Variants in EYS observed in about 807,000 individuals in gnomAD.
The protein encoded by EYS is protein eyes shut homolog.
In EYS, 250 loss-of-function variants were observed where a neutral mutation model predicts 282.1. The ratio of observed to expected loss-of-function variants is 0.89; its 90% CI spans 0.80 to 0.98. The LOEUF is 0.98. Ranked by LOEUF, EYS falls within the 50% of genes least tolerant of loss-of-function variation. The pLI is 0.00. For missense variants in EYS, 4,016 were observed against 3,709.0 expected, an observed-to-expected ratio of 1.08 and a Z score of -2.15; for synonymous variants, 1,355 against 1,282.9, an observed-to-expected ratio of 1.06 and a Z score of -1.20.
At chr6:64,850,386 T>C (rs1368000073) in intron 19 of EYS, among the ~76,000 whole-genome samples, 1 of 152,106 alleles carries the variant, frequency 6.6e-6, no homozygotes, top group African/African-American at 2.4e-5. Flanking sequence ...TGTAAGGCAC[T>C]CAGTGCTGGG....
chr6:64,396,168 ATTTATTT>A (rs540738546), intron 28 of EYS, among the ~76,000 whole-genome samples: 38 of 152,188 alleles, frequency 2.5e-4, no homozygotes, highest in African/African-American at 8.7e-4. Context: ...TGAATAGTTT[ATTTATTT>A]TCAAGATATA....
intron 8 of EYS, 46 bp from the exon 9 acceptor site, chr6:65,353,663 A>AT (rs1270413013): frequency 1.3e-6 from 2 of 1,514,012 alleles, no homozygotes; most frequent in Non-Finnish European, 1.8e-6. Context: ...TTTTTGATAT[A>AT]TTTTTCAATA....
chr6:65,365,144 A>C (rs1764867786), intron 8 of EYS, among the ~76,000 whole-genome samples: 1 of 151,722 alleles, frequency 6.6e-6, no homozygotes, highest in African/African-American at 2.4e-5. Flanking sequence ...AGAATGAATA[A>C]ATTCCTTTCT....
At chr6:65,515,454 G>C (rs900142806) in intron 2 of EYS, among the ~76,000 whole-genome samples, 26 of 151,808 alleles carry the variant, frequency 1.7e-4, no homozygotes, top group Admixed American at 9.2e-4. Context: ...TATACCCAAA[G>C]GACTATAAAT....
intron 26 of EYS, among the ~76,000 whole-genome samples, chr6:64,486,448 T>C (rs1263315648): frequency 1.3e-5 from 2 of 151,276 alleles, no homozygotes; most frequent in Non-Finnish European, 1.5e-5. Context: ...TTTAAAGAGG[T>C]AGCATTTTGT....
chr6:64,957,583 T>C (rs1316241639), intron 14 of EYS, among the ~76,000 whole-genome samples: 1 of 152,196 alleles, frequency 6.6e-6, no homozygotes, highest in East Asian at 1.9e-4. Flanking sequence ...TAAAATAGTG[T>C]AATTTGATTG....
chr6:63,954,543 C>T (rs183384210), intron 35 of EYS, among the ~76,000 whole-genome samples: 75 of 152,256 alleles, frequency 4.9e-4, no homozygotes, highest in African/African-American at 1.6e-3. Flanking sequence ...TTCTCAAGGC[C>T]GCTTTACTTC....
chr6:65,281,349 T>C (rs1219166579), intron 12 of EYS, among the ~76,000 whole-genome samples: 1 of 152,148 alleles, frequency 6.6e-6, no homozygotes, highest in Non-Finnish European at 1.5e-5. Context: ...ATTTTCACTA[T>C]AATTAACACT....
chr6:65,346,833 T>G (rs1770414360), intron 9 of EYS, among the ~76,000 whole-genome samples: 1 of 151,782 alleles, frequency 6.6e-6, no homozygotes, highest in Non-Finnish European at 1.5e-5. Context: ...TCCACAGAAA[T>G]AAACACAAAT....
chr6:65,484,432 T>A (rs1000456052), intron 5 of EYS, among the ~76,000 whole-genome samples: 1 of 152,200 alleles, frequency 6.6e-6, no homozygotes, highest in Non-Finnish European at 1.5e-5. Context: ...AGCAGAAAAT[T>A]ATTTTTAACA....
intron 5 of EYS, among the ~76,000 whole-genome samples, chr6:65,431,022 T>C (rs1767866166): frequency 6.6e-6 from 1 of 152,118 alleles, no homozygotes; most frequent in South Asian, 2.1e-4. Context: ...AGAGGGAACT[T>C]TGTCTTACAC....
At chr6:64,413,761 C>A (rs975757991) in intron 28 of EYS, among the ~76,000 whole-genome samples, 19 of 152,090 alleles carry the variant, frequency 1.2e-4, no homozygotes, top group Non-Finnish European at 2.4e-4. Context: ...AAAAGAAAAA[C>A]ACTAAGTACA....
intron 31 of EYS, among the ~76,000 whole-genome samples, chr6:64,147,398 G>A (rs4076418): frequency 0.11 from 16,952 of 152,148 alleles, 1,815 homozygotes; most frequent in African/African-American, 0.29. Context: ...TAGGAGGAAT[G>A]GTAATGCTGA....
At chr6:64,334,425 G>A (rs1343895722) in intron 29 of EYS, among the ~76,000 whole-genome samples, 2 of 152,042 alleles carry the variant, frequency 1.3e-5, no homozygotes, top group East Asian at 1.9e-4. Context: ...TAAGTACTGT[G>A]GAAAAAATAA....
At chr6:64,598,493 T>C (rs1240514717) in intron 24 of EYS, among the ~76,000 whole-genome samples, 2 of 151,984 alleles carry the variant, frequency 1.3e-5, no homozygotes, top group Non-Finnish European at 2.9e-5. Context: ...AAAAACCTAA[T>C]AGGTACCAAG....
intron 34 of EYS, among the ~76,000 whole-genome samples, chr6:63,988,878 G>A (rs900268614): frequency 3.3e-5 from 5 of 151,574 alleles, no homozygotes; most frequent in African/African-American, 1.2e-4. Context: ...ATTCTTTTAT[G>A]ATACGTATGA....
chr6:63,767,216 T>G (rs1769811832), intron 40 of EYS, among the ~76,000 whole-genome samples: 1 of 151,934 alleles, frequency 6.6e-6, no homozygotes, highest in Non-Finnish European at 1.5e-5. Flanking sequence ...AACACAGTAA[T>G]GGAAGTGCTA....
At chr6:64,566,674 A>G (rs1194195383) in intron 26 of EYS, among the ~76,000 whole-genome samples, 1 of 152,178 alleles carries the variant, frequency 6.6e-6, no homozygotes, top group Non-Finnish European at 1.5e-5. Flanking sequence ...GGTGAGAAGT[A>G]TTTAATACTA....
intron 22 of EYS, among the ~76,000 whole-genome samples, chr6:64,649,948 G>A (rs1768498457): frequency 1.3e-5 from 2 of 152,004 alleles, no homozygotes; most frequent in South Asian, 4.1e-4. Flanking sequence ...CAGTTTTTAA[G>A]CCTCAAAGAA....
Sources: allele counts gnomAD v4.1 joint callset (sites outside exome capture counted in the v4.1 genomes callset), GRCh38; gene constraint gnomAD v4.1.1; transcripts MANE v1.5; gene names NCBI Gene and HGNC (gene_info 2026-07-23, HGNC 2026-07-21).